Variants in STX8 observed in about 807,000 individuals in gnomAD.
The protein encoded by STX8 is syntaxin-8.
A neutral mutation model predicts 37.5 loss-of-function variants in STX8; 23 were observed. The observed-to-expected ratio is 0.61, with a 90% CI of 0.44 to 0.87. The LOEUF (loss-of-function observed/expected upper bound fraction) is 0.87. Among genes scored for constraint, STX8 ranks in the 40% least tolerant of loss-of-function variants. The pLI is 0.00. For missense variants in STX8, 313 were observed against 284.7 expected (o/e 1.10, Z -0.71); for synonymous variants, 115 against 99.1 (o/e 1.16, Z -0.95).
chr17:9,498,402 C>G (rs11407623), intron 5 of STX8, among the ~76,000 whole-genome samples: 11 of 107,680 alleles, frequency 1.0e-4, no homozygotes, highest in Admixed American at 8.4e-4. Flanking sequence ...AAAAAAAAAA[C>G]AAAAGAAAAG....
chr17:9,405,709 A>T (rs537676941), intron 6 of STX8, among the ~76,000 whole-genome samples: 1 of 152,336 alleles, frequency 6.6e-6, no homozygotes, highest in African/African-American at 2.4e-5. Flanking sequence ...ACTTGCAATG[A>T]AAATCTGTCA....
chr17:9,527,594 C>A (rs553847441), intron 4 of STX8, among the ~76,000 whole-genome samples: 1 of 152,112 alleles, frequency 6.6e-6, no homozygotes, highest in Admixed American at 6.5e-5. Context: ...TTAATACATG[C>A]AGGGGCAAAG....
rs1159567735 is a variant in STX8 at position 9,445,533 on chromosome 17, G to A, written c.541+46296C>T. On this transcript the variant is annotated intron_variant, in intron 6 of 7. Coordinates refer to ENST00000306357, the MANE Select transcript of STX8 (RefSeq NM_004853.3). The stretch of plus-strand genomic sequence containing the variant: ...GGAGGGGGTTGGGGGGTGGGGGTGA[G>A]GGCTCACGGAATGAAGAGCTTTAAA... 2.7e-5 allele frequency among the ~76,000 whole-genome samples: 4 copies of A among 147,034 alleles called. No individual in the cohort carries two copies. The East Asian group carries it at 6.1e-4, about 23-fold the overall frequency.
chr17:9,480,311 A>C (rs59731267), intron 6 of STX8, among the ~76,000 whole-genome samples: 17,451 of 152,230 alleles, frequency 0.11, 2,249 homozygotes, highest in East Asian at 0.7. Flanking sequence ...TGTACTGAGG[A>C]AGGAAATATA....
intron 7 of STX8, among the ~76,000 whole-genome samples, chr17:9,373,980 A>G (rs1299247356): frequency 6.6e-6 from 1 of 151,938 alleles, no homozygotes; most frequent in East Asian, 1.9e-4. Flanking sequence ...TCGGCCACGA[A>G]GTGAGACTCT....
chr17:9,496,364 C>G (rs1010738031), intron 5 of STX8, among the ~76,000 whole-genome samples: 11 of 152,218 alleles, frequency 7.2e-5, no homozygotes, highest in Middle Eastern at 3.2e-3. Flanking sequence ...GCGTGAGCCA[C>G]CACACCCAGC....
chr17:9,303,199 G>T (rs1908847701), intron 7 of STX8, among the ~76,000 whole-genome samples: 1 of 152,136 alleles, frequency 6.6e-6, no homozygotes, highest in South Asian at 2.1e-4. Context: ...GCTGAGGCAG[G>T]AGAATCGCTT....
chr17:9,428,221 G>A (rs1281184343), intron 6 of STX8, among the ~76,000 whole-genome samples: 1 of 152,106 alleles, frequency 6.6e-6, no homozygotes. Context: ...ATTCTACTTA[G>A]TCACCAGAAA....
At chr17:9,383,793 G>C (rs1911898995) in intron 6 of STX8, among the ~76,000 whole-genome samples, 1 of 151,980 alleles carries the variant, frequency 6.6e-6, no homozygotes, top group African/African-American at 2.4e-5. Context: ...ATAGTAAAAG[G>C]CAATATATTT....
intron 6 of STX8, among the ~76,000 whole-genome samples, chr17:9,411,390 G>T (rs1465621841): frequency 6.6e-6 from 1 of 152,286 alleles, no homozygotes; most frequent in East Asian, 1.9e-4. Flanking sequence ...ACTGTGCTTA[G>T]ATCTGAAAAA....
intron 6 of STX8, among the ~76,000 whole-genome samples, chr17:9,451,997 C>T (rs1905056304): frequency 6.6e-6 from 1 of 152,154 alleles, no homozygotes; most frequent in South Asian, 2.1e-4. Flanking sequence ...ATTGCAATCT[C>T]TCTTAATATA....
intron 5 of STX8, among the ~76,000 whole-genome samples, chr17:9,502,080 C>T (rs1180491644): frequency 2.6e-5 from 4 of 152,118 alleles, no homozygotes; most frequent in South Asian, 4.1e-4. Context: ...TGGAGAAAAG[C>T]GAATCCCTGC....
chr17:9,332,001 G>A (rs918923257), intron 7 of STX8, among the ~76,000 whole-genome samples: 12 of 152,176 alleles, frequency 7.9e-5, no homozygotes, highest in Admixed American at 6.5e-4. Flanking sequence ...CTAACAATGC[G>A]GGCAATGATT....
chr17:9,505,046 A>G lies in STX8; in HGVS notation c.440T>C (p.Ile147Thr), dbSNP rs1267248489. 6.2e-7 allele frequency: 1 copy of G among 1,610,148 alleles called. No individual in the cohort carries two copies. The highest frequency in any genetic ancestry group is 1.7e-5 in the Admixed American group (1 of 59,720). ...FDEIRQQQQKIIQEQDAGLDA... is the reference protein window; with the variant it reads ...FDEIRQQQQKTIQEQDAGLDA... The stretch of plus-strand genomic sequence containing the variant: ...CTCAGGATATTTAGTACCTTGGATA[A>G]TTTTCTGCTGCTGTTGCCGGATTTC... Residue 147 changes from isoleucine to threonine, a missense_variant, in exon 5 of 8, where the codon ATT becomes ACT. Coordinates refer to ENST00000306357, the MANE Select transcript of STX8 (RefSeq NM_004853.3).
intron 7 of STX8, chr17:9,378,030 AC>A (rs1456464784): frequency 6.5e-6 from 1 of 154,354 alleles, no homozygotes; most frequent in Non-Finnish European, 1.4e-5. Context: ...CCCTAGATCT[AC>A]TCAATCAGAA....
intron 6 of STX8, among the ~76,000 whole-genome samples, chr17:9,491,130 C>A (rs1906835248): frequency 6.6e-6 from 1 of 152,186 alleles, no homozygotes; most frequent in Non-Finnish European, 1.5e-5. Context: ...CTGGACATCT[C>A]CCGCCGGCAT....
chr17:9,327,768 T>C (rs1440590905), intron 7 of STX8, among the ~76,000 whole-genome samples: 2 of 152,114 alleles, frequency 1.3e-5, no homozygotes, highest in Non-Finnish European at 2.9e-5. Context: ...CTCCACCTCC[T>C]GGGCCTGAGT....
chr17:9,346,177 G>C (rs1385321590), intron 7 of STX8, among the ~76,000 whole-genome samples: 1 of 152,144 alleles, frequency 6.6e-6, no homozygotes, highest in Non-Finnish European at 1.5e-5. Context: ...AGACCAGGAA[G>C]AGTAATCATG....
In STX8 at chr17:9,491,879, C is replaced by T. The variant is rs143935601; in HGVS notation, c.491G>A (p.Arg164His). ...AATTTCCTGCCCCATTTGTTTTTGGCGACTTATGATAGAGGAAAGGGCATC... is the reference window on the plus strand; with the variant it reads ...AATTTCCTGCCCCATTTGTTTTTGGTGACTTATGATAGAGGAAAGGGCATC... ...GLDALSSIIS[R>H]QKQMGQEIGN... The change falls in exon 6 of 8, where the codon CGC (arginine) becomes CAC (histidine). Residue 164 changes from arginine to histidine, a missense_variant. Arg to His is a conservative substitution (Grantham distance 29, BLOSUM62 0). Transcript: ENST00000306357. 39 of 1,613,410 alleles carry T rather than the reference C, an allele frequency of 2.4e-5. No individual in the cohort carries two copies. Among genetic ancestry groups the T allele is most frequent in the South Asian group, 6.6e-5 (6 of 91,016 alleles).
Sources: gnomAD v4.1 joint callset for allele counts (sites outside exome capture counted in the v4.1 genomes callset) on GRCh38, gnomAD v4.1.1 for gene constraint, MANE v1.5 for transcripts, NCBI Gene and HGNC (gene_info 2026-07-23, HGNC 2026-07-21) for gene names.